PGR: variants seen among roughly 807,000 people sequenced by gnomAD.
The protein encoded by PGR is nuclear receptor subfamily 3 group C member 3.
A neutral mutation model predicts 76.1 loss-of-function variants in PGR; 25 were observed. The observed-to-expected ratio is 0.33, with a 90% CI of 0.24 to 0.46. PGR has a LOEUF of 0.46. Ranked by LOEUF, PGR falls within the 20% of genes least tolerant of loss-of-function variation. The probability of loss-of-function intolerance (pLI) is 1.00; values close to 1 mark genes in which losing one functional copy is unlikely to be tolerated. For missense variants in PGR, 1,172 were observed against 1,225.3 expected (o/e 0.96, Z 0.65); for synonymous variants, 579 against 535.0 (o/e 1.08, Z -1.14).
intron 2 of PGR, among the ~76,000 whole-genome samples, chr11:101,102,460 T>C (rs1042921211): frequency 1.3e-5 from 2 of 152,202 alleles, no homozygotes; most frequent in Non-Finnish European, 2.9e-5. Flanking sequence ...TCCAGCATAT[T>C]CTGAAGATGC....
intron 6 of PGR, among the ~76,000 whole-genome samples, chr11:101,042,464 C>G (rs924980271): frequency 6.6e-6 from 1 of 152,114 alleles, no homozygotes; most frequent in Non-Finnish European, 1.5e-5. Flanking sequence ...TGCATGTAAT[C>G]TGGATCTTTT....
chr11:101,054,507 A>T (rs12287845), intron 4 of PGR, among the ~76,000 whole-genome samples: 5,837 of 152,272 alleles, frequency 0.038, 354 homozygotes, highest in African/African-American at 0.13. Flanking sequence ...AAAAATGGGT[A>T]ATTTTGTGAT....
At chr11:101,085,944 A>C (rs1382757214) in intron 3 of PGR, among the ~76,000 whole-genome samples, 3 of 152,178 alleles carry the variant, frequency 2.0e-5, no homozygotes, top group Admixed American at 2.0e-4. Flanking sequence ...TCCAAATGGA[A>C]TTAGTAATAA....
intron 3 of PGR, among the ~76,000 whole-genome samples, chr11:101,066,100 C>T (rs1350255806): frequency 6.6e-6 from 1 of 152,178 alleles, no homozygotes; most frequent in East Asian, 1.9e-4. Context: ...CTAATAGTCC[C>T]TCTCACACAT....
At chr11:101,049,426 T>C (rs1159283024) in intron 6 of PGR, among the ~76,000 whole-genome samples, 1 of 152,224 alleles carries the variant, frequency 6.6e-6, no homozygotes, top group Non-Finnish European at 1.5e-5. Context: ...TACTATGTAC[T>C]GTACATAATT....
chr11:101,096,954 G>C (rs978355807), intron 2 of PGR, among the ~76,000 whole-genome samples: 1 of 151,980 alleles, frequency 6.6e-6, no homozygotes, highest in Non-Finnish European at 1.5e-5. Flanking sequence ...AGACATTTAG[G>C]AACACTTATA....
chr11:101,062,383 A>C (rs954871701), intron 4 of PGR, 64 bp downstream of exon 4: 9 of 1,210,256 alleles, frequency 7.4e-6, no homozygotes, highest in Non-Finnish European at 1.1e-5. Context: ...TTATTTAACA[A>C]TGTACTAATA....
chr11:101,123,808 G>T (rs747419020), intron 2 of PGR, among the ~76,000 whole-genome samples: 1 of 152,096 alleles, frequency 6.6e-6, no homozygotes, highest in African/African-American at 2.4e-5. Flanking sequence ...TTGCTTACTT[G>T]GGCATTTACT....
chr11:101,071,590 G>A (rs1339181051), intron 3 of PGR, among the ~76,000 whole-genome samples: 1 of 151,918 alleles, frequency 6.6e-6, no homozygotes, highest in Non-Finnish European at 1.5e-5. Flanking sequence ...AAAAAGGTTA[G>A]AGGAATTGCT....
At chr11:101,097,792 T>G (rs1401607058) in intron 2 of PGR, among the ~76,000 whole-genome samples, 3 of 151,480 alleles carry the variant, frequency 2.0e-5, no homozygotes, top group Non-Finnish European at 4.4e-5. Context: ...TTTTTTTTTT[T>G]TTTGAGCGGA....
At chr11:101,076,374 G>A (rs1861129364) in intron 3 of PGR, among the ~76,000 whole-genome samples, 1 of 152,042 alleles carries the variant, frequency 6.6e-6, no homozygotes, top group African/African-American at 2.4e-5. Context: ...TAGATGATGG[G>A]TTGATGGGTG....
At chr11:101,077,671 A>G (rs909321530) in intron 3 of PGR, among the ~76,000 whole-genome samples, 1 of 152,152 alleles carries the variant, frequency 6.6e-6, no homozygotes, top group Admixed American at 6.5e-5. Context: ...TTTTAAGCAA[A>G]GAAATGAGAA....
At chr11:101,109,368 C>T (rs1862273814) in intron 2 of PGR, among the ~76,000 whole-genome samples, 1 of 152,072 alleles carries the variant, frequency 6.6e-6, no homozygotes, top group Non-Finnish European at 1.5e-5. Flanking sequence ...AGGAAATGTT[C>T]TTGAAGGAAG....
intron 7 of PGR, among the ~76,000 whole-genome samples, chr11:101,040,494 C>T (rs551489863): frequency 6.6e-6 from 1 of 152,026 alleles, no homozygotes; most frequent in Non-Finnish European, 1.5e-5. Flanking sequence ...TTTCATGCTG[C>T]CATTGTACTT....
Position 101,128,049 on chromosome 11 carries a change from G to T in PGR, c.1022C>A (p.Pro341Gln), listed in dbSNP as rs751488876. 1.2e-6 allele frequency: 2 copies of T among 1,604,470 alleles called. No individual in the cohort carries two copies. Among genetic ancestry groups the T allele is most frequent in the South Asian group, 1.1e-5 (1 of 91,070 alleles). ...GGAGAASAFA[P>Q]PRSSPCASST... is the part of the protein sequence containing the mutation. ...CGAGGCACAGGGTGAACTCCGCGGC[G>T]GGGCAAAGGCGCTGGCAGCCCCGGC... The change falls in exon 1 of 8, where the codon CCG (proline) becomes CAG (glutamine). Residue 341 changes from proline to glutamine, a missense_variant. Pro to Gln is a moderately conservative substitution (Grantham distance 76, BLOSUM62 -1). This residue lies in a region of PGR where 893 missense variants were observed against 785.9 expected (regional missense o/e 1.14). Coordinates refer to ENST00000325455, the MANE Select transcript of PGR (RefSeq NM_000926.4).
intron 6 of PGR, among the ~76,000 whole-genome samples, chr11:101,048,725 A>G (rs564877766): frequency 1.3e-5 from 2 of 152,290 alleles, no homozygotes; most frequent in African/African-American, 4.8e-5. Flanking sequence ...ATTACTATAC[A>G]CTACGATAGC....
At chr11:101,108,248 T>TAA (rs550121348) in intron 2 of PGR, among the ~76,000 whole-genome samples, 29,598 of 115,006 alleles carry the variant, frequency 0.26, 3,556 homozygotes, top group Middle Eastern at 0.36. Flanking sequence ...AGACTCCGTC[T>TAA]AAAAAAAAAA....
In PGR at chr11:101,034,194, CCT is replaced by C. The variant is rs1859437958; in HGVS notation, c.*4920_*4921del. The C allele has an allele frequency of 8.9e-6, 2 of 223,712 alleles. No individual in the cohort carries two copies. The highest frequency in any genetic ancestry group is 1.8e-5 in the Non-Finnish European group (2 of 112,120). 13.9% of individuals were successfully genotyped at this position (223,712 alleles called of 1,614,324 possible). ...CATGAGTGGAAAAAAAGCAAACAAA[CCT>C]GTGTTTAACAATAAGGTCAGCATGA... On this transcript the variant is annotated 3_prime_UTR_variant, in exon 8 of 8. Transcript: ENST00000325455.
intron 7 of PGR, chr11:101,041,733 A>G (rs781457625): frequency 1.9e-4 from 106 of 553,518 alleles, no homozygotes; most frequent in Middle Eastern, 1.5e-3. Flanking sequence ...CCCTCACATT[A>G]TACAAATACT....
Sources: allele counts gnomAD v4.1 joint callset (sites outside exome capture counted in the v4.1 genomes callset), GRCh38; gene constraint gnomAD v4.1.1; regional missense constraint gnomAD v4.1.1; transcripts MANE v1.5; gene names NCBI Gene and HGNC (gene_info 2026-07-23, HGNC 2026-07-21).